The following NDST4 variants were observed in gnomAD, a reference collection of about 807,000 sequenced individuals.
NDST4 encodes N-deacetylase and N-sulfotransferase 4.
A neutral mutation model predicts 100.8 loss-of-function variants in NDST4; 63 were observed. The observed-to-expected ratio is 0.62, with a 90% CI of 0.51 to 0.77. The LOEUF (loss-of-function observed/expected upper bound fraction) is 0.77, where lower values mean the gene tolerates loss of function less well. Ranked by LOEUF, NDST4 falls within the 30% of genes least tolerant of loss-of-function variation. NDST4 has a pLI of 0.00. For synonymous variants in NDST4, 377 were observed against 361.8 expected (o/e 1.04, Z -0.48); for missense variants, 943 against 1,018.4 (o/e 0.93, Z 1.01).
intron 8 of NDST4, among the ~76,000 whole-genome samples, chr4:114,849,950 A>G (rs985670547): frequency 6.6e-6 from 1 of 152,206 alleles, no homozygotes; most frequent in African/African-American, 2.4e-5. Context: ...GAGTTTAAAA[A>G]CGAGAAAATG....
intron 6 of NDST4, among the ~76,000 whole-genome samples, chr4:114,889,689 C>A (rs1160015096): frequency 6.6e-6 from 1 of 152,180 alleles, no homozygotes; most frequent in Admixed American, 6.6e-5. Context: ...GGGCTGTCTT[C>A]AAATAAAGCA....
At chr4:115,055,127 C>T (rs181285114) in intron 2 of NDST4, among the ~76,000 whole-genome samples, 127 of 152,284 alleles carry the variant, frequency 8.3e-4, no homozygotes, top group Non-Finnish European at 1.5e-3. Flanking sequence ...TCTAGGTTGT[C>T]TGCCCCTTAT....
chr4:114,870,810 C>T lies in NDST4; in HGVS notation c.1677G>A (p.Gln559=). Residue 559 remains glutamine (Q), a synonymous_variant, in exon 7 of 14, where the codon CAG becomes CAA. Transcript: ENST00000264363. ...QTLPPVQLAH[Q]YFELFPEQKD... is the part of the protein sequence containing the mutation. ...TCTGCTCAGGGAAGAGCTCAAAATA[C>T]TGGTGGGCCAGTTGCACTGGAGGCA... 6.2e-7 allele frequency: 1 copy of T among 1,612,882 alleles called. No individual in the cohort carries two copies. The highest frequency in any genetic ancestry group is 8.5e-7 in the Non-Finnish European group (1 of 1,179,264).
intron 1 of NDST4, among the ~76,000 whole-genome samples, chr4:115,093,279 T>C (rs1331360039): frequency 2.6e-5 from 4 of 151,930 alleles, no homozygotes; most frequent in Non-Finnish European, 5.9e-5. Context: ...ATCGAGACTA[T>C]CCTGGCTAAC....
chr4:114,853,083 T>C (rs547900909), intron 7 of NDST4, among the ~76,000 whole-genome samples: 1 of 152,282 alleles, frequency 6.6e-6, no homozygotes, highest in African/African-American at 2.4e-5. Context: ...CCTGTGATAC[T>C]ACTCTATTTC....
intron 6 of NDST4, among the ~76,000 whole-genome samples, chr4:114,887,957 C>A (rs1355707158): frequency 6.6e-6 from 1 of 151,970 alleles, no homozygotes; most frequent in African/African-American, 2.4e-5. Context: ...ATATTGATAC[C>A]TTTGAGATGC....
intron 2 of NDST4, among the ~76,000 whole-genome samples, chr4:115,015,676 T>C (rs755757792): frequency 6.6e-6 from 1 of 152,048 alleles, no homozygotes; most frequent in Non-Finnish European, 1.5e-5. Flanking sequence ...ACCAAGTAGA[T>C]AGTACTAATT....
chr4:115,105,373 A>G (rs1338157529), intron 1 of NDST4, among the ~76,000 whole-genome samples: 1 of 152,164 alleles, frequency 6.6e-6, no homozygotes, highest in Non-Finnish European at 1.5e-5. Context: ...TTACTCAAGA[A>G]ATGTATTATT....
Position 114,921,716 on chromosome 4 carries a change from AAAAAT to A in NDST4, c.1536+13485_1536+13489del, listed in dbSNP as rs146492352. ...ATTCTTCGCTATTTAGTAAACTAGA[AAAAAT>A]AAAATAAGACAAGATTTTCTGAGTT... On this transcript the variant is annotated intron_variant, in intron 6 of 13. Coordinates refer to ENST00000264363, the MANE Select transcript of NDST4 (RefSeq NM_022569.3). Among the ~76,000 whole-genome samples the A allele has an allele frequency of 2.2e-3, 341 of 152,318 alleles. 2 individuals carry two copies. The highest frequency in any genetic ancestry group is 2.1e-3 in the Non-Finnish European group (143 of 68,028).
chr4:114,839,920 T>G (rs2126183487), intron 10 of NDST4, among the ~76,000 whole-genome samples: 1 of 152,286 alleles, frequency 6.6e-6, no homozygotes, highest in East Asian at 1.9e-4. Flanking sequence ...TGGATATTAT[T>G]AAGACTGAGA....
At chr4:114,980,325 G>A (rs1042349115) in intron 2 of NDST4, among the ~76,000 whole-genome samples, 15 of 152,084 alleles carry the variant, frequency 9.9e-5, no homozygotes, top group African/African-American at 1.7e-4. Flanking sequence ...TATTTCGTGC[G>A]GAAACTTTAG....
At chr4:114,903,285 A>G (rs1724884695) in intron 6 of NDST4, among the ~76,000 whole-genome samples, 1 of 152,122 alleles carries the variant, frequency 6.6e-6, no homozygotes, top group Admixed American at 6.6e-5. Flanking sequence ...ATTCTCTGCC[A>G]TATTTCAAAA....
chr4:115,083,515 G>C (rs1373398019), intron 1 of NDST4, among the ~76,000 whole-genome samples: 1 of 152,070 alleles, frequency 6.6e-6, no homozygotes, highest in African/African-American at 2.4e-5. Flanking sequence ...TTAACTATTT[G>C]TTCATATACA....
intron 4 of NDST4, among the ~76,000 whole-genome samples, chr4:114,969,446 A>G (rs1325655957): frequency 6.6e-6 from 1 of 151,890 alleles, no homozygotes; most frequent in Non-Finnish European, 1.5e-5. Flanking sequence ...ATAGTATCAG[A>G]CAGGTAGTTT....
intron 2 of NDST4, among the ~76,000 whole-genome samples, chr4:114,995,729 T>C (rs1274864855): frequency 6.6e-6 from 1 of 152,226 alleles, no homozygotes; most frequent in Middle Eastern, 3.4e-3. Flanking sequence ...ATTTAATTGT[T>C]ACAAATGTTT....
chr4:114,968,282 A>C (rs1307139665), intron 4 of NDST4, among the ~76,000 whole-genome samples: 1 of 152,226 alleles, frequency 6.6e-6, no homozygotes, highest in East Asian at 1.9e-4. Context: ...TAAATCACAC[A>C]GTACTAATGA....
chr4:115,050,407 C>T (rs769312244), intron 2 of NDST4, among the ~76,000 whole-genome samples: 46 of 150,030 alleles, frequency 3.1e-4, no homozygotes, highest in Non-Finnish European at 4.8e-4. Context: ...TGAAGCATTA[C>T]ACACACACAC....
At position 115,077,046 on chromosome 4, in the gene NDST4, T is replaced by A. The variant is rs1729203871; in HGVS notation, c.-10A>T. 1 of 1,578,472 alleles carries A rather than the reference T, an allele frequency of 6.3e-7. No individual in the cohort carries two copies. The highest frequency in any genetic ancestry group is 2.3e-5 in the East Asian group (1 of 44,384). On this transcript the variant is annotated 5_prime_UTR_variant, in exon 2 of 14. Transcript: ENST00000264363. ...TCACAATAAGATTCATTTTTTAGAA[T>A]AATGTTTTGGAAGCTTTTTCCCAAT...
At chr4:115,087,532 G>GTTTTA (rs1486814703) in intron 1 of NDST4, among the ~76,000 whole-genome samples, 106 of 151,690 alleles carry the variant, frequency 7.0e-4, no homozygotes, top group African/African-American at 2.4e-3. Context: ...CTTGACAGTG[G>GTTTTA]ATGGTTTTAA....
Sources: allele counts gnomAD v4.1 joint callset (sites outside exome capture counted in the v4.1 genomes callset), GRCh38; gene constraint gnomAD v4.1.1; transcripts MANE v1.5; gene names NCBI Gene and HGNC (gene_info 2026-07-23, HGNC 2026-07-21).